ROBO2: variants seen among roughly 807,000 people sequenced by gnomAD.
The protein encoded by ROBO2 is roundabout guidance receptor 2.
Under a neutral mutation model 160.8 loss-of-function variants are expected in ROBO2, and 53 were observed. The ratio of observed to expected loss-of-function variants is 0.33; its 90% confidence interval spans 0.26 to 0.41. The LOEUF (loss-of-function observed/expected upper bound fraction) is 0.41. Among genes scored for constraint, ROBO2 ranks in the 10% least tolerant of loss-of-function variants. The pLI is 1.00. For missense variants in ROBO2, 1,577 were observed against 1,722.4 expected (o/e 0.92, Z 1.49); for synonymous variants, 664 against 611.7 (o/e 1.09, Z -1.26).
chr3:76,636,077 G>A (rs2090314699), intron 2 of ROBO2, among the ~76,000 whole-genome samples: 1 of 152,106 alleles, frequency 6.6e-6, no homozygotes, highest in Non-Finnish European at 1.5e-5. Context: ...TAAAATAATA[G>A]TCACATGATA....
chr3:76,102,829 C>CT (rs146647759), intron 2 of ROBO2, among the ~76,000 whole-genome samples: 37,081 of 144,922 alleles, frequency 0.26, 5,751 homozygotes, highest in African/African-American at 0.45. Context: ...AGAGACCTGA[C>CT]TTTTTTTTTT....
intron 2 of ROBO2, among the ~76,000 whole-genome samples, chr3:76,745,439 C>T (rs1332056720): frequency 6.6e-6 from 1 of 152,058 alleles, no homozygotes; most frequent in Non-Finnish European, 1.5e-5. Context: ...TCTAGATAAT[C>T]CTAGAATGAT....
chr3:76,425,846 G>T (rs1190819098), intron 2 of ROBO2, among the ~76,000 whole-genome samples: 2 of 151,924 alleles, frequency 1.3e-5, no homozygotes, highest in Non-Finnish European at 1.5e-5. Context: ...TGTTTGTGAG[G>T]TGTTCAACTT....
At chr3:77,456,978 G>T (rs1285761253) in intron 2 of ROBO2, among the ~76,000 whole-genome samples, 2 of 152,098 alleles carry the variant, frequency 1.3e-5, no homozygotes, top group Admixed American at 1.3e-4. Context: ...GGTACCAAAG[G>T]ATTATTTGTT....
At chr3:77,069,873 G>A (rs1447639023) in intron 1 of ROBO2, among the ~76,000 whole-genome samples, 1 of 152,088 alleles carries the variant, frequency 6.6e-6, no homozygotes, top group African/African-American at 2.4e-5. Context: ...GTTGAATTGT[G>A]TCCCTCCAAA....
intron 2 of ROBO2, among the ~76,000 whole-genome samples, chr3:77,462,687 A>G (rs1172726723): frequency 6.6e-6 from 1 of 152,238 alleles, no homozygotes; most frequent in East Asian, 1.9e-4. Flanking sequence ...ATAAGTAGTT[A>G]ATACATTTAC....
In ROBO2 at chr3:76,249,760, G is replaced by A. The variant is rs375964229; in HGVS notation, c.109+312158G>A. ...TGCGTTTAACTAACTGGAACAAATG[G>A]AATGAGAGAGAGGAATATTTGCAAA... On this transcript the variant is annotated intron_variant, in intron 2 of 26. Coordinates refer to the ROBO2 transcript ENST00000487694. Among the ~76,000 whole-genome samples, 5 of 152,088 alleles carry A rather than the reference G, an allele frequency of 3.3e-5. No homozygotes were observed. In the South Asian group the frequency reaches 1.0e-3, roughly 31 times the overall value.
At chr3:76,401,456 AT>A (rs1311799118) in intron 2 of ROBO2, among the ~76,000 whole-genome samples, 1 of 151,586 alleles carries the variant, frequency 6.6e-6, no homozygotes, top group Non-Finnish European at 1.5e-5. Context: ...AATTAAATGA[AT>A]AATCAATTGT....
intron 2 of ROBO2, among the ~76,000 whole-genome samples, chr3:76,519,710 A>G (rs553077747): frequency 2.0e-5 from 3 of 150,814 alleles, no homozygotes; most frequent in Non-Finnish European, 3.0e-5. Context: ...TAGAAGAGAT[A>G]TAAGACAAAA....
chr3:76,363,320 C>A (rs1266615364), intron 2 of ROBO2, among the ~76,000 whole-genome samples: 1 of 151,918 alleles, frequency 6.6e-6, no homozygotes. Flanking sequence ...TTTTGCAATT[C>A]ATCAGAAGAG....
chr3:77,317,202 C>T, intron 2 of ROBO2: 1 of 842,208 alleles, frequency 1.2e-6, no homozygotes, highest in Non-Finnish European at 2.1e-6. Context: ...GGATGGAAGG[C>T]CCAGCAGTGT....
chr3:76,355,363 A>G (rs2075100335), intron 2 of ROBO2, among the ~76,000 whole-genome samples: 1 of 151,730 alleles, frequency 6.6e-6, no homozygotes, highest in Non-Finnish European at 1.5e-5. Context: ...TTTCATCTAC[A>G]TATCATTTAT....
chr3:76,843,925 A>G (rs544069596), intron 2 of ROBO2, among the ~76,000 whole-genome samples: 1 of 152,192 alleles, frequency 6.6e-6, no homozygotes, highest in East Asian at 1.9e-4. Flanking sequence ...GCAGCAGAAA[A>G]GTTTAAAAAG....
At chr3:77,494,394 G>A (rs1338098831) in intron 5 of ROBO2, among the ~76,000 whole-genome samples, 1 of 151,952 alleles carries the variant, frequency 6.6e-6, no homozygotes, top group African/African-American at 2.4e-5. Context: ...CTGACAAACA[G>A]GGTGAAACCC....
At chr3:77,044,799 G>A (rs529315317) in intron 1 of ROBO2, among the ~76,000 whole-genome samples, 18 of 152,200 alleles carry the variant, frequency 1.2e-4, no homozygotes, top group African/African-American at 3.1e-4. Flanking sequence ...AGTAAAAGTC[G>A]TCATATCTGA....
chr3:75,961,783 T>C (rs1457012919), intron 2 of ROBO2, among the ~76,000 whole-genome samples: 1 of 151,574 alleles, frequency 6.6e-6, no homozygotes, highest in East Asian at 2.0e-4. Flanking sequence ...AGGAGAAAGA[T>C]AGAAAATTTT....
intron 2 of ROBO2, among the ~76,000 whole-genome samples, chr3:77,390,935 C>A (rs1394878102): frequency 6.6e-6 from 1 of 151,968 alleles, no homozygotes; most frequent in South Asian, 2.1e-4. Context: ...TGAAAGTTTT[C>A]CCTCCCTTCC....
At chr3:76,779,480 T>C (rs1294227485) in intron 2 of ROBO2, among the ~76,000 whole-genome samples, 2 of 150,912 alleles carry the variant, frequency 1.3e-5, no homozygotes, top group Non-Finnish European at 3.0e-5. Flanking sequence ...ACTGAAACTT[T>C]GCACCCCTTA....
chr3:77,574,013 G>A (rs922703304), intron 13 of ROBO2, among the ~76,000 whole-genome samples: 3 of 151,928 alleles, frequency 2.0e-5, no homozygotes, highest in African/African-American at 4.8e-5. Flanking sequence ...TGGCACCTAT[G>A]AGTAGGAACC....
Sources: allele counts gnomAD v4.1 joint callset (sites outside exome capture counted in the v4.1 genomes callset), GRCh38; gene constraint gnomAD v4.1.1; transcripts MANE v1.5; gene names NCBI Gene and HGNC (gene_info 2026-07-23, HGNC 2026-07-21).